The following MTSS1 variants were observed in gnomAD, a reference collection of about 807,000 sequenced individuals.
MTSS1 encodes the protein protein MTSS 1.
A neutral mutation model predicts 79.0 loss-of-function variants in MTSS1; 18 were observed. The observed-to-expected ratio is 0.23, with a 90% CI of 0.16 to 0.34. MTSS1 has a LOEUF of 0.34. Ranked by LOEUF, MTSS1 falls within the 10% of genes least tolerant of loss-of-function variation. The probability of loss-of-function intolerance (pLI) is 1.00; values close to 1 mark genes in which losing one functional copy is unlikely to be tolerated. For synonymous variants in MTSS1, 341 were observed against 368.6 expected (o/e 0.93, Z 0.86); for missense variants, 815 against 986.2 (o/e 0.83, Z 2.33).
rs190324675 is a variant in MTSS1, at chr8:124,614,865, T to A, written c.209-23630A>T. On this transcript the variant is annotated intron_variant, in intron 3 of 13. Coordinates refer to ENST00000518547, the MANE Select transcript of MTSS1 (RefSeq NM_014751.6). Reference sequence around the variant, plus strand: ...TCATCCATACCTACCATGCACAGACTCTAGGATTAGTCAATAAAATAGTCC... The same window carrying A: ...TCATCCATACCTACCATGCACAGACACTAGGATTAGTCAATAAAATAGTCC... Among the ~76,000 whole-genome samples the A allele has an allele frequency of 1.7e-4, 26 of 152,286 alleles. No individual in the cohort carries two copies. The East Asian group carries it at 4.8e-3, about 28-fold the overall frequency.
intron 3 of MTSS1, among the ~76,000 whole-genome samples, chr8:124,662,410 G>A (rs1476266773): frequency 6.6e-6 from 1 of 152,070 alleles, no homozygotes; most frequent in Non-Finnish European, 1.5e-5. Context: ...AAAAAATACT[G>A]TATGCCATAC....
intron 3 of MTSS1, among the ~76,000 whole-genome samples, chr8:124,602,754 G>A (rs940159243): frequency 6.6e-6 from 1 of 152,200 alleles, no homozygotes; most frequent in African/African-American, 2.4e-5. Flanking sequence ...TCTCTTAGGT[G>A]ATCTCCAGGT....
At position 124,551,833 on chromosome 8, in the gene MTSS1, T is replaced by G. The variant is rs375969948; in HGVS notation, c.*1159A>C. 1 of 152,626 alleles carries G rather than the reference T, an allele frequency of 6.6e-6. No homozygotes were observed. The highest frequency in any genetic ancestry group is 1.5e-5 in the Non-Finnish European group (1 of 68,032). The allele number at this position is 152,626 out of a possible 1,614,324, so 9.5% of individuals were successfully genotyped here. ...AAATCCTCCTCTCTTCAATGTTTAC[T>G]GTAAAGCCAGTTAACTGCCATTTAT... On this transcript the variant is annotated 3_prime_UTR_variant, in exon 14 of 14. Transcript: ENST00000518547.
intron 9 of MTSS1, chr8:124,564,620 AC>A (rs1489056851): frequency 1.3e-5 from 2 of 151,952 alleles, no homozygotes; most frequent in African/African-American, 4.8e-5. Context: ...GAAGAAAAAA[AC>A]AGCCACGCAA....
At chr8:124,566,672 G>C (rs1177594624) in intron 8 of MTSS1, among the ~76,000 whole-genome samples, 1 of 152,212 alleles carries the variant, frequency 6.6e-6, no homozygotes, top group South Asian at 2.1e-4. Context: ...CGTGTTCTTA[G>C]GAGGGTTGAC....
At chr8:124,633,099 C>T (rs1183617527) in intron 3 of MTSS1, among the ~76,000 whole-genome samples, 3 of 152,000 alleles carry the variant, frequency 2.0e-5, no homozygotes, top group African/African-American at 7.3e-5. Flanking sequence ...ATGCTTGAGG[C>T]CAGAGGTTCG....
rs1177045805 is a variant in MTSS1, at chr8:124,552,375, T to A, written c.*617A>T. 6.5e-6 allele frequency: 1 copy of A among 153,980 alleles called. No individual in the cohort carries two copies. The highest frequency in any genetic ancestry group is 1.9e-4 in the East Asian group (1 of 5,200). The allele number at this position is 153,980 out of a possible 1,614,324, so 9.5% of individuals were successfully genotyped here. On this transcript the variant is annotated 3_prime_UTR_variant, in exon 14 of 14. Transcript: ENST00000518547. ...GTAACAGGATCGGCTATGTTGACGA[T>A]GTACCCCTCCCATGGCCCTCCCCCC...
At chr8:124,617,109 C>T (rs1837014091) in intron 3 of MTSS1, among the ~76,000 whole-genome samples, 1 of 152,196 alleles carries the variant, frequency 6.6e-6, no homozygotes, top group African/African-American at 2.4e-5. Flanking sequence ...GCAGTGTCTA[C>T]CGCTACCACA....
At chr8:124,708,597 G>T (rs369298807) in intron 1 of MTSS1, among the ~76,000 whole-genome samples, 3 of 152,278 alleles carry the variant, frequency 2.0e-5, no homozygotes, top group African/African-American at 7.2e-5. Flanking sequence ...ACTCAACCCT[G>T]AGATGAGTGT....
intron 3 of MTSS1, among the ~76,000 whole-genome samples, chr8:124,679,456 C>A (rs747430108): frequency 1.2e-4 from 19 of 152,156 alleles, no homozygotes; most frequent in Non-Finnish European, 2.2e-4. Flanking sequence ...AACAGTCTAC[C>A]TGAGAGTGAG....
chr8:124,716,023 C>A (rs1316147954), intron 1 of MTSS1, among the ~76,000 whole-genome samples: 2 of 152,194 alleles, frequency 1.3e-5, no homozygotes, highest in Non-Finnish European at 2.9e-5. Context: ...TGTACGATGC[C>A]AATCACCCTG....
rs924591640 is a variant in MTSS1 at position 124,558,896 on chromosome 8, TAATA to T, written c.1036-1025_1036-1022del. 11 of 1,470,950 alleles carry T rather than the reference TAATA, an allele frequency of 7.5e-6. No individual in the cohort carries two copies. The African/African-American group carries it at 9.9e-5, about 13-fold the overall frequency. The allele number at this position is 1,470,950 out of a possible 1,614,324, so 91.1% of individuals were successfully genotyped here. The stretch of plus-strand genomic sequence containing the variant: ...AACCGAGCCACACACCACCAAAATA[TAATA>T]AATAAAAAAAGGAATGGGGATGGGA... On this transcript the variant is annotated intron_variant, in intron 10 of 13. Coordinates refer to ENST00000518547, the MANE Select transcript of MTSS1 (RefSeq NM_014751.6).
chr8:124,688,348 T>G (rs1482265470), intron 3 of MTSS1, among the ~76,000 whole-genome samples: 31 of 38,680 alleles, frequency 8.0e-4, no homozygotes, highest in African/African-American at 3.0e-3. Context: ...GTATGTGTGT[T>G]GTGTGTGTGT....
chr8:124,576,272 G>GC (rs1828938700), intron 6 of MTSS1, among the ~76,000 whole-genome samples: 1 of 152,108 alleles, frequency 6.6e-6, no homozygotes, highest in African/African-American at 2.4e-5. Flanking sequence ...AACTTGATGG[G>GC]CGAGGGGGTC....
chr8:124,618,868 C>T (rs1812911747), intron 3 of MTSS1, among the ~76,000 whole-genome samples: 1 of 152,224 alleles, frequency 6.6e-6, no homozygotes, highest in African/African-American at 2.4e-5. Flanking sequence ...GATTCAGTAA[C>T]TTTTGCACAT....
chr8:124,601,006 C>T (rs1297140535), intron 3 of MTSS1, among the ~76,000 whole-genome samples: 2 of 151,936 alleles, frequency 1.3e-5, no homozygotes, highest in East Asian at 3.9e-4. Context: ...AAGGCCGTTG[C>T]CCTTGGCTGA....
intron 1 of MTSS1, among the ~76,000 whole-genome samples, chr8:124,711,254 T>A (rs1249972483): frequency 6.6e-6 from 1 of 152,166 alleles, no homozygotes; most frequent in Non-Finnish European, 1.5e-5. Context: ...GGCCGTTTAA[T>A]CTGAGGTGCT....
intron 3 of MTSS1, among the ~76,000 whole-genome samples, chr8:124,677,816 G>A (rs994065524): frequency 6.6e-5 from 10 of 152,124 alleles, no homozygotes; most frequent in African/African-American, 2.4e-4. Flanking sequence ...AAAATTTAAA[G>A]AGTCCTTTAG....
chr8:124,675,822 C>T (rs138656631), intron 3 of MTSS1, among the ~76,000 whole-genome samples: 218 of 152,340 alleles, frequency 1.4e-3, no homozygotes, highest in African/African-American at 4.3e-3. Flanking sequence ...ATCTGCACTT[C>T]GTCCCTTTTT....
Sources: allele counts gnomAD v4.1 joint callset (sites outside exome capture counted in the v4.1 genomes callset), GRCh38; gene constraint gnomAD v4.1.1; transcripts MANE v1.5; gene names NCBI Gene and HGNC (gene_info 2026-07-23, HGNC 2026-07-21).